WWOX: variants seen among roughly 807,000 people sequenced by gnomAD.
WWOX encodes the protein WW domain containing oxidoreductase.
WWOX carries 69 observed loss-of-function variants against 46.2 expected under a neutral mutation model. The observed-to-expected ratio is 1.49, with a 90% confidence interval of 1.23 to 1.82. The LOEUF is 1.82. WWOX is among the 40% of genes most tolerant of loss of function. The probability of loss-of-function intolerance (pLI) is 0.00; values close to 1 mark genes in which losing one functional copy is unlikely to be tolerated. For missense variants in WWOX, 919 were observed against 542.6 expected (o/e 1.69, Z -6.89); for synonymous variants, 359 against 202.6 (o/e 1.77, Z -6.56).
chr16:78,346,953 G>A lies in WWOX; in HGVS notation c.517-39907G>A, dbSNP rs758134920. Among the ~76,000 whole-genome samples the A allele has an allele frequency of 2.5e-5, 3 of 119,228 alleles. 1 individual carries two copies. The highest frequency in any genetic ancestry group is 6.0e-5 in the Non-Finnish European group (3 of 50,144). The allele number at this position is 119,228 out of a possible 152,430, so 78.2% of individuals were successfully genotyped here. A position where few individuals can be genotyped will look rare whatever the true frequency, so the allele number is the denominator to read the frequency against. On this transcript the variant is annotated intron_variant, in intron 5 of 8. Coordinates refer to ENST00000566780, the MANE Select transcript of WWOX (RefSeq NM_016373.4). ...GTTGACCAGGCTGGTTTCAACTCCT[G>A]ACCTCAGGTGATCTGCCTGCCTCGG...
intron 8 of WWOX, among the ~76,000 whole-genome samples, chr16:78,749,563 A>G (rs28362766): frequency 0.15 from 22,521 of 152,034 alleles, 2,024 homozygotes; most frequent in African/African-American, 0.24. Context: ...TAGTTTAAGG[A>G]TGTATTTATT....
At chr16:78,554,367 A>C (rs1381232366) in intron 8 of WWOX, among the ~76,000 whole-genome samples, 1 of 152,184 alleles carries the variant, frequency 6.6e-6, no homozygotes, top group Non-Finnish European at 1.5e-5. Context: ...AGCCATCACC[A>C]AGGTCTGATC....
chr16:78,227,835 C>G (rs2037116448), intron 5 of WWOX, among the ~76,000 whole-genome samples: 1 of 152,156 alleles, frequency 6.6e-6, no homozygotes, highest in South Asian at 2.1e-4. Flanking sequence ...CGAGTCGTGT[C>G]AGTGCACTCC....
At chr16:78,469,957 T>C (rs1025930163) in intron 8 of WWOX, among the ~76,000 whole-genome samples, 1 of 152,240 alleles carries the variant, frequency 6.6e-6, no homozygotes, top group Non-Finnish European at 1.5e-5. Context: ...TGTATGTTGG[T>C]ACGTTATTGA....
intron 8 of WWOX, among the ~76,000 whole-genome samples, chr16:78,581,792 A>C (rs1384798573): frequency 2.6e-5 from 4 of 152,178 alleles, no homozygotes; most frequent in Non-Finnish European, 5.9e-5. Context: ...TTAATACAAA[A>C]GTTTTCCCCA....
chr16:78,318,517 TAAAAC>T (rs2151881528), intron 5 of WWOX, among the ~76,000 whole-genome samples: 1 of 152,286 alleles, frequency 6.6e-6, no homozygotes, highest in African/African-American at 2.4e-5. Flanking sequence ...TTGGAGTTCT[TAAAAC>T]AAATGTTAAG....
chr16:78,957,586 T>G (rs1045703905), intron 8 of WWOX, among the ~76,000 whole-genome samples: 1 of 152,186 alleles, frequency 6.6e-6, no homozygotes, highest in African/African-American at 2.4e-5. Flanking sequence ...CCGTGATTCA[T>G]AACTCAGTCA....
At chr16:78,115,720 A>T (rs2032747144) in intron 4 of WWOX, among the ~76,000 whole-genome samples, 1 of 152,200 alleles carries the variant, frequency 6.6e-6, no homozygotes, top group Non-Finnish European at 1.5e-5. Context: ...TCCTTGCTTC[A>T]ATATGATGGG....
intron 5 of WWOX, among the ~76,000 whole-genome samples, chr16:78,376,350 A>C (rs1302626274): frequency 6.6e-6 from 1 of 152,218 alleles, no homozygotes; most frequent in Non-Finnish European, 1.5e-5. Context: ...TGTTTTTAGG[A>C]AAAGTTGCAC....
intron 8 of WWOX, among the ~76,000 whole-genome samples, chr16:79,137,838 G>T (rs1020680840): frequency 1.3e-5 from 2 of 152,114 alleles, no homozygotes; most frequent in South Asian, 4.2e-4. Flanking sequence ...TTCTGGCCCC[G>T]TCCTGGGGAG....
intron 8 of WWOX, among the ~76,000 whole-genome samples, chr16:78,545,387 A>G (rs570648789): frequency 6.6e-6 from 1 of 152,188 alleles, no homozygotes; most frequent in Non-Finnish European, 1.5e-5. Context: ...TTTTAAAAAA[A>G]AAATTCTTTT....
chr16:78,567,717 C>T (rs948799967), intron 8 of WWOX, among the ~76,000 whole-genome samples: 7 of 152,032 alleles, frequency 4.6e-5, no homozygotes, highest in African/African-American at 1.4e-4. Context: ...AGAGTTCCAG[C>T]TCATCCACCC....
chr16:78,290,206 T>G (rs2151860097), intron 5 of WWOX, among the ~76,000 whole-genome samples: 1 of 152,268 alleles, frequency 6.6e-6, no homozygotes, highest in East Asian at 1.9e-4. Flanking sequence ...CAAAACTCAC[T>G]TGGCAACATT....
At chr16:78,535,055 C>G (rs757661121) in intron 8 of WWOX, 2 of 152,194 alleles carry the variant, frequency 1.3e-5, no homozygotes, top group Non-Finnish European at 2.9e-5. Flanking sequence ...TCCCCGAGCA[C>G]CCAAGTTCCT....
chr16:78,621,746 A>T (rs2046194244), intron 8 of WWOX, among the ~76,000 whole-genome samples: 1 of 151,290 alleles, frequency 6.6e-6, no homozygotes, highest in Non-Finnish European at 1.5e-5. Context: ...CTGGGACTAC[A>T]GGCACTCACC....
At chr16:78,461,293 T>C (rs2738654) in intron 8 of WWOX, among the ~76,000 whole-genome samples, 40,959 of 152,018 alleles carry the variant, frequency 0.27, 6,459 homozygotes, top group African/African-American at 0.44. Context: ...TTCTGAGTCA[T>C]CGTCTGCTGC....
At chr16:78,189,800 A>G (rs1597330545) in intron 5 of WWOX, among the ~76,000 whole-genome samples, 2 of 152,046 alleles carry the variant, frequency 1.3e-5, no homozygotes, top group Non-Finnish European at 2.9e-5. Flanking sequence ...GATTACAGGC[A>G]CCTGCCACCA....
At chr16:78,730,280 C>T (rs1314092692) in intron 8 of WWOX, among the ~76,000 whole-genome samples, 1 of 152,088 alleles carries the variant, frequency 6.6e-6, no homozygotes, top group Non-Finnish European at 1.5e-5. Flanking sequence ...ACTGTCCCAT[C>T]CTTTTTTCCT....
At chr16:79,067,557 C>T (rs1230131074) in intron 8 of WWOX, among the ~76,000 whole-genome samples, 1 of 140,772 alleles carries the variant, frequency 7.1e-6, no homozygotes, top group East Asian at 2.1e-4. Flanking sequence ...ACCACTGCCA[C>T]ATGGAATAGT....
Sources: allele counts gnomAD v4.1 joint callset (sites outside exome capture counted in the v4.1 genomes callset), GRCh38; gene constraint gnomAD v4.1.1; transcripts MANE v1.5; gene names NCBI Gene and HGNC (gene_info 2026-07-23, HGNC 2026-07-21).